SMC3: variants seen among roughly 807,000 people sequenced by gnomAD.
SMC3 encodes structural maintenance of chromosomes 3.
In SMC3, 20 loss-of-function variants were observed where a neutral mutation model predicts 171.8. That is an observed-to-expected ratio of 0.12 (90% CI 0.08 to 0.17). The LOEUF (loss-of-function observed/expected upper bound fraction) is 0.17, where lower values mean the gene tolerates loss of function less well. Among genes scored for constraint, SMC3 ranks in the 10% least tolerant of loss-of-function variants. SMC3 has a pLI of 1.00. For synonymous variants in SMC3, 464 were observed against 451.1 expected, an observed-to-expected ratio of 1.03 and a Z score of -0.36; for missense variants, 543 against 1,420.4, an observed-to-expected ratio of 0.38 and a Z score of 9.93.
chr10:110,603,174 C>CT lies in SMC3; in HGVS notation c.3476-5dup. 6.3e-7 allele frequency: 1 copy of CT among 1,595,326 alleles called. No homozygotes were observed. The highest frequency in any genetic ancestry group is 1.3e-5 in the African/African-American group (1 of 74,616). On this transcript the variant is annotated splice_polypyrimidine_tract_variant and intron_variant, in intron 27 of 28. Transcript: ENST00000361804. ...AAGAAATTTGTTAAAGCACAATTTT[C>CT]TTTTTACAGATATGATTATGGAACT... is the stretch of plus-strand genomic sequence containing the variant.
intron 18 of SMC3, among the ~76,000 whole-genome samples, chr10:110,596,078 AAG>A (rs1861295971): frequency 6.6e-6 from 1 of 151,624 alleles, no homozygotes; most frequent in Non-Finnish European, 1.5e-5. Context: ...CTCTACAAAA[AAG>A]GTGTGGTGGT....
rs369744445 is a variant in SMC3 at position 110,589,613 on chromosome 10, C to T, written c.1314C>T (p.Asp438=). Residue 438 remains aspartate, a synonymous_variant, in exon 14 of 29, where the codon GAC becomes GAT. Transcript: ENST00000361804. ...EKNLEQYNKL[D]QDLNEVKARV... ...TATTTTTATTTCCATAGAAACTGGA[C>T]CAGGATCTTAATGAAGTCAAAGCTC... 3.1e-6 allele frequency: 5 copies of T among 1,596,646 alleles called. No homozygotes were observed. Among genetic ancestry groups the T allele is most frequent in the Non-Finnish European group, 3.4e-6 (4 of 1,165,092 alleles).
intron 4 of SMC3, among the ~76,000 whole-genome samples, chr10:110,576,788 G>T (rs1433198661): frequency 6.6e-6 from 1 of 152,034 alleles, no homozygotes; most frequent in Non-Finnish European, 1.5e-5. Flanking sequence ...TTACTACATA[G>T]TTTCTATAAT....
At chr10:110,596,972 A>T (rs1003201189) in intron 19 of SMC3, among the ~76,000 whole-genome samples, 4 of 152,100 alleles carry the variant, frequency 2.6e-5, no homozygotes, top group Admixed American at 2.6e-4. Flanking sequence ...TTAGAAGTCA[A>T]ATATATAAGG....
intron 21 of SMC3, 66 bp from the exon 22 acceptor site, chr10:110,600,373 C>T: frequency 1.2e-6 from 1 of 820,392 alleles, no homozygotes; most frequent in Non-Finnish European, 2.2e-6. Context: ...GAGAGGACAG[C>T]AAATGAGCAC....
chr10:110,595,649 TTC>T (rs763226174), intron 18 of SMC3, among the ~76,000 whole-genome samples: 34 of 152,224 alleles, frequency 2.2e-4, no homozygotes, highest in Non-Finnish European at 4.6e-4. Flanking sequence ...GATTCATAAA[TTC>T]TGTTATTGCT....
intron 5 of SMC3, 77 bp from the exon 6 acceptor site, chr10:110,577,758 G>A: frequency 1.1e-6 from 1 of 938,194 alleles, no homozygotes; most frequent in Non-Finnish European, 1.7e-6. Flanking sequence ...TATGGGCAAG[G>A]ACTTTAAAAT....
At chr10:110,598,384 A>G (rs1173498620) in intron 20 of SMC3, 94 bp downstream of exon 20, 1 of 1,346,392 alleles carries the variant, frequency 7.4e-7, no homozygotes, top group East Asian at 2.3e-5. Context: ...CTTGAATTTT[A>G]TGTTTCATTT....
intron 13 of SMC3, among the ~76,000 whole-genome samples, chr10:110,587,043 C>A (rs1250114348): frequency 6.6e-6 from 1 of 152,088 alleles, no homozygotes; most frequent in African/African-American, 2.4e-5. Flanking sequence ...AATAAAATGT[C>A]TTTTTGGTGG....
chr10:110,590,370 G>T (rs188323456), intron 15 of SMC3, 42 bp from the exon 16 acceptor site: 45 of 1,537,282 alleles, frequency 2.9e-5, no homozygotes, highest in Non-Finnish European at 2.7e-6. Context: ...GAGTGCCATT[G>T]ATGATATTAT....
In SMC3 at chr10:110,602,586, G is replaced by T; in HGVS notation, c.3218G>T (p.Gly1073Val). Residue 1073 changes from glycine to valine, a missense_variant, in exon 26 of 29, where the codon GGG becomes GTG. By Grantham distance (109) the Gly-to-Val change is moderately radical. Coordinates refer to ENST00000361804, the MANE Select transcript of SMC3 (RefSeq NM_005445.4). ...AGTCAGTCTCAAGATGAAGGAGAAG[G>T]GAGTGGTGAGAGTGAGAGGGGTTCT... Reference protein sequence around the residue: ...EGSQSQDEGEGSGESERGSGS... With the variant: ...EGSQSQDEGEVSGESERGSGS... 6.2e-7 allele frequency: 1 copy of T among 1,613,850 alleles called. No homozygotes were observed. Among genetic ancestry groups the T allele is most frequent in the Non-Finnish European group, 8.5e-7 (1 of 1,179,794 alleles).
rs150085573 is a variant in SMC3 at position 110,600,228 on chromosome 10, C to T, written c.2428-211C>T. On this transcript the variant is annotated intron_variant, in intron 21 of 28. Transcript: ENST00000361804. ...CATTTAAAGAAACTGTTTTTGACAG[C>T]ATGCGTTATAAAAAGGGCCAGCCAC... Among the ~76,000 whole-genome samples the T allele has an allele frequency of 5.1e-3, 783 of 152,234 alleles. 4 individuals carry two copies. The highest frequency in any genetic ancestry group is 0.011 in the Admixed American group (162 of 15,296).
At chr10:110,596,573 G>T (rs7075340) in intron 19 of SMC3, 23 bp downstream of exon 19, 1 of 1,611,918 alleles carries the variant, frequency 6.2e-7, no homozygotes, top group Admixed American at 1.7e-5. Flanking sequence ...TTTGTGCATA[G>T]TGATAGATAT....
chr10:110,602,247 A>T, intron 25 of SMC3, 69 bp downstream of exon 25: 3 of 1,417,186 alleles, frequency 2.1e-6, no homozygotes, highest in Non-Finnish European at 3.0e-6. Context: ...TCAGTTTGTA[A>T]AGATTTTAAA....
chr10:110,581,837 ATAATT>A (rs1200835850), intron 8 of SMC3, 81 bp from the exon 9 acceptor site: 15 of 1,160,320 alleles, frequency 1.3e-5, no homozygotes, highest in Non-Finnish European at 1.8e-5. Context: ...GTTCTTAAAA[ATAATT>A]TAATTCAAGG....
intron 2 of SMC3, among the ~76,000 whole-genome samples, chr10:110,572,741 C>G (rs554559049): frequency 3.9e-5 from 6 of 152,250 alleles, no homozygotes; most frequent in Admixed American, 6.5e-5. Flanking sequence ...TGACCCTTGC[C>G]TTTATTCTGA....
Position 110,604,613 on chromosome 10 carries a change from A to G in SMC3, c.*311A>G, listed in dbSNP as rs900508227. ...TACTACCTTTTTTATAGCTTCAATT[A>G]AATAATCGGTTTTATGACTAATATA... On this transcript the variant is annotated 3_prime_UTR_variant, in exon 29 of 29. Coordinates refer to ENST00000361804, the MANE Select transcript of SMC3 (RefSeq NM_005445.4). The G allele has an allele frequency of 9.3e-6, 3 of 322,282 alleles. No individual in the cohort carries two copies. Among genetic ancestry groups the G allele is most frequent in the Non-Finnish European group, 1.8e-5 (3 of 170,322 alleles). The allele number at this position is 322,282 out of a possible 1,614,324, so 20.0% of individuals were successfully genotyped here.
intron 28 of SMC3, 75 bp from the exon 29 acceptor site, chr10:110,604,156 C>T: frequency 3.9e-6 from 3 of 771,190 alleles, no homozygotes; most frequent in Non-Finnish European, 6.9e-6. Flanking sequence ...AGTTGATAGG[C>T]TGTATATATT....
At chr10:110,585,099 G>C (rs532384696) in intron 13 of SMC3, among the ~76,000 whole-genome samples, 1 of 151,628 alleles carries the variant, frequency 6.6e-6, no homozygotes, top group Non-Finnish European at 1.5e-5. Context: ...TGCAACCTCA[G>C]CCTCCTGAGT....
Sources: gnomAD v4.1 joint callset for allele counts (sites outside exome capture counted in the v4.1 genomes callset) on GRCh38, gnomAD v4.1.1 for gene constraint, MANE v1.5 for transcripts, NCBI Gene and HGNC (gene_info 2026-07-23, HGNC 2026-07-21) for gene names.